The following RIF1 variants were observed in gnomAD, a reference collection of about 807,000 sequenced individuals.
The protein encoded by RIF1 is replication timing regulatory factor 1, also known as telomere-associated protein RIF1.
Under a neutral mutation model 247.1 loss-of-function variants are expected in RIF1, and 45 were observed. The ratio of observed to expected loss-of-function variants is 0.18; its 90% confidence interval spans 0.14 to 0.23. The LOEUF (loss-of-function observed/expected upper bound fraction) is 0.23. Ranked by LOEUF, RIF1 falls within the 10% of genes least tolerant of loss-of-function variation. The pLI is 1.00. For synonymous variants in RIF1, 1,087 were observed against 978.8 expected, an observed-to-expected ratio of 1.11 and a Z score of -2.06; for missense variants, 2,967 against 2,862.5, an observed-to-expected ratio of 1.04 and a Z score of -0.83.
intron 35 of RIF1, among the ~76,000 whole-genome samples, 200 bp from the exon 36 acceptor site, chr2:151,474,657 T>C (rs1227223447): frequency 1.3e-5 from 2 of 152,062 alleles, no homozygotes; most frequent in African/African-American, 4.8e-5. Flanking sequence ...GCCTGGGCAA[T>C]AGAATGAGGC....
chr2:151,510,074 C>T (rs889484140), downstream of RIF1, among the ~76,000 whole-genome samples: 1 of 152,176 alleles, frequency 6.6e-6, no homozygotes, highest in Admixed American at 6.5e-5. Context: ...TAATTTATAA[C>T]TAAGGTCTGA....
At chr2:151,422,365 G>T (rs1688332619) in intron 7 of RIF1, among the ~76,000 whole-genome samples, 1 of 152,070 alleles carries the variant, frequency 6.6e-6, no homozygotes, top group Admixed American at 6.6e-5. Context: ...ATGGATGGTA[G>T]GATGGCCAGA....
In RIF1 at chr2:151,462,393, T is replaced by C; in HGVS notation, c.3309-19T>C. On this transcript the variant is annotated intron_variant, in intron 28 of 35. Transcript: ENST00000444746. ...TCAAATAATTATAAAAATAATATTCTTACTAATATTTATTTCAGGGAAATT... is the reference window on the plus strand; with the variant it reads ...TCAAATAATTATAAAAATAATATTCCTACTAATATTTATTTCAGGGAAATT... The C allele has an allele frequency of 6.8e-7, 1 of 1,468,860 alleles. No homozygotes were observed. The allele number at this position is 1,468,860 out of a possible 1,614,324, so 91.0% of individuals were successfully genotyped here.
chr2:151,446,315 A>T (rs1693264223), intron 19 of RIF1, 111 bp from the exon 20 acceptor site: 226 of 948,806 alleles, frequency 2.4e-4, no homozygotes, highest in Middle Eastern at 6.3e-4. Context: ...GTCTTTTTTG[A>T]CACACTAAAT....
intron 9 of RIF1, among the ~76,000 whole-genome samples, chr2:151,432,022 T>C (rs1194079166): frequency 6.6e-6 from 1 of 152,168 alleles, no homozygotes; most frequent in Non-Finnish European, 1.5e-5. Flanking sequence ...TTTATTTATT[T>C]ATTCAGGACG....
Position 151,503,350 on chromosome 2 carries a change from G to A in RIF1, c.*861+165G>A, listed in dbSNP as rs755970391. The A allele has an allele frequency of 1.2e-5, 19 of 1,601,250 alleles. No homozygotes were observed. The highest frequency in any genetic ancestry group is 1.2e-4 in the Admixed American group (7 of 59,832). ...CTTATATGATATATTTGTAAATACC[G>A]AGCTAAAGTTCTCTTGATTGCGTTT... On this transcript the variant is annotated intron_variant and NMD_transcript_variant, in intron 12 of 13. Transcript: ENST00000454583.
At chr2:151,520,384 C>T in the RIF1 span, among the ~76,000 whole-genome samples, 2 of 152,012 alleles carry the variant, frequency 1.3e-5, no homozygotes, top group East Asian at 3.9e-4. Context: ...TGAGATACTT[C>T]AGAATAATGA....
At chr2:151,422,917 T>A (rs772433883) in intron 7 of RIF1, 33 bp from the exon 8 acceptor site, 1 of 1,137,608 alleles carries the variant, frequency 8.8e-7, no homozygotes, top group Non-Finnish European at 1.3e-6. Context: ...TTTCTAAGAG[T>A]CTGTTTGGTA....
At chr2:151,462,383 A>C (rs764408758) in intron 28 of RIF1, 29 bp from the exon 29 acceptor site, 2 of 1,469,888 alleles carry the variant, frequency 1.4e-6, no homozygotes, top group Non-Finnish European at 1.8e-6. Flanking sequence ...TAATTATAAA[A>C]ATAATATTCT....
chr2:151,518,410 T>C, the RIF1 span: 4 of 1,604,488 alleles, frequency 2.5e-6, no homozygotes, highest in African/African-American at 4.0e-5. Context: ...TCATACTTCT[T>C]CTTGTACTGG....
rs552856558 is a variant in RIF1, at chr2:151,482,054, A to G, written c.*6983A>G. 2.2e-4 allele frequency: 33 copies of G among 152,348 alleles called. No individual in the cohort carries two copies. The highest frequency in any genetic ancestry group is 7.9e-4 in the African/African-American group (33 of 41,590). 9.4% of individuals were successfully genotyped at this position (152,348 alleles called of 1,614,324 possible). A position where few individuals can be genotyped will look rare whatever the true frequency, so the allele number is the denominator to read the frequency against. On this transcript the variant is annotated 3_prime_UTR_variant, in exon 36 of 36. Transcript: ENST00000444746. ...GGGCAGAATTCTATGTTTGATTCACAGTAAAACTTTTCATGAATCATTGAG... is the reference window on the plus strand; with the variant it reads ...GGGCAGAATTCTATGTTTGATTCACGGTAAAACTTTTCATGAATCATTGAG...
the RIF1 span, chr2:151,513,789 C>T: frequency 1.2e-6 from 1 of 824,540 alleles, no homozygotes; most frequent in Non-Finnish European, 2.0e-6. Flanking sequence ...ACACGCCACC[C>T]CAGTTGTCAC....
chr2:151,530,450 G>T, the RIF1 span, among the ~76,000 whole-genome samples: 3 of 152,120 alleles, frequency 2.0e-5, no homozygotes, highest in Non-Finnish European at 4.4e-5. Context: ...TGTGACTAAG[G>T]CCAAAGTAAA....
At position 151,463,524 on chromosome 2, in the gene RIF1, C is replaced by T; in HGVS notation, c.4004C>T (p.Thr1335Ile). Residue 1335 changes from threonine to isoleucine, a missense_variant, in exon 30 of 36, where the codon ACA becomes ATA. Thr to Ile is a moderately conservative substitution (Grantham distance 89). Coordinates refer to ENST00000444746, the MANE Select transcript of RIF1 (RefSeq NM_018151.5). ...AACCCACCTGGTTTGCTTAATCAAA[C>T]AGAATGTGTGTCAGATAATCAGGTT... ...ENNPPGLLNQ[T>I]ECVSDNQVHL... 6.2e-7 allele frequency: 1 copy of T among 1,614,008 alleles called. No homozygotes were observed. The highest frequency in any genetic ancestry group is 1.7e-5 in the Admixed American group (1 of 60,016).
chr2:151,527,984 T>C, the RIF1 span, among the ~76,000 whole-genome samples: 1 of 152,206 alleles, frequency 6.6e-6, no homozygotes, highest in Non-Finnish European at 1.5e-5. Context: ...TCTTTACAAA[T>C]TACAAAACTA....
At chr2:151,506,879 C>T in intron 13 of RIF1, 1 of 1,384,266 alleles carries the variant, frequency 7.2e-7, no homozygotes, top group African/African-American at 1.4e-5. Flanking sequence ...ACTAGGTTAG[C>T]ATTAAATGCA....
At position 151,464,652 on chromosome 2, in the gene RIF1, A is replaced by G. The variant is rs1696648447; in HGVS notation, c.5132A>G (p.Lys1711Arg). The change falls in exon 30 of 36, where the codon AAA becomes AGA. Residue 1711 changes from lysine to arginine, a missense_variant. Lys to Arg is a conservative substitution (Grantham distance 26). Around this residue, in one of 7 missense-constraint regions of RIF1, gnomAD observed 2,028 missense variants for 1,825.6 expected, o/e 1.11. Transcript: ENST00000444746. ...GISDISSLSE[K>R]TFQTLECQHK... Reference sequence around the variant, plus strand: ...TCAGATATTTCTTCGCTTTCAGAAAAAACTTTTCAAACACTTGAATGCCAA... The same window carrying G: ...TCAGATATTTCTTCGCTTTCAGAAAGAACTTTTCAAACACTTGAATGCCAA... The G allele has an allele frequency of 2.5e-6, 4 of 1,613,238 alleles. No homozygotes were observed.
chr2:151,484,469 G>A (rs958675376), downstream of RIF1, among the ~76,000 whole-genome samples: 3 of 152,182 alleles, frequency 2.0e-5, no homozygotes, highest in Admixed American at 1.3e-4. Context: ...GGTGGCGCAC[G>A]CCTGTAGTCC....
At position 151,416,872 on chromosome 2, in the gene RIF1, T is replaced by C; in HGVS notation, c.474T>C (p.Val158=). 1 of 1,612,520 alleles carries C rather than the reference T, an allele frequency of 6.2e-7. No individual in the cohort carries two copies. ...AAGGAGAGACGCATTCTGCTGTTGT[T>C]GATTTTGAAGCATTAAATGTTATCG... ...FNKGETHSAV[V]DFEALNVIVR... is the part of the protein sequence containing the mutation. The change falls in exon 6 of 36, where the codon GTT becomes GTC. Residue 158 remains valine (V), a synonymous_variant. Transcript: ENST00000444746.
Sources: gnomAD v4.1 joint callset for allele counts (sites outside exome capture counted in the v4.1 genomes callset) on GRCh38, gnomAD v4.1.1 for gene constraint, gnomAD v4.1.1 regional missense constraint, MANE v1.5 for transcripts, NCBI Gene and HGNC (gene_info 2026-07-23, HGNC 2026-07-21) for gene names.